TRAPPC8: variants seen among roughly 807,000 people sequenced by gnomAD.
TRAPPC8 encodes trafficking protein particle complex subunit 8.
Under a neutral mutation model 174.3 loss-of-function variants are expected in TRAPPC8, and 54 were observed. That is an observed-to-expected ratio of 0.31 (90% CI 0.25 to 0.39). TRAPPC8 has a LOEUF of 0.39. Ranked by LOEUF, TRAPPC8 falls within the 10% of genes least tolerant of loss-of-function variation. The pLI, the probability that TRAPPC8 is intolerant of heterozygous loss-of-function variation, is 1.00. For missense variants in TRAPPC8, 1,531 were observed against 1,699.1 expected, an observed-to-expected ratio of 0.90 and a Z score of 1.74; for synonymous variants, 630 against 579.9, an observed-to-expected ratio of 1.09 and a Z score of -1.24.
chr18:31,908,654 T>TA, intron 7 of TRAPPC8, 100 bp downstream of exon 7: 1 of 1,311,936 alleles, frequency 7.6e-7, no homozygotes, highest in Non-Finnish European at 1.0e-6. Context: ...TGGCCTATCT[T>TA]AAAACGAAAA....
In TRAPPC8 at chr18:31,942,828, T is replaced by C. The variant is rs2038410259; in HGVS notation, c.-64A>G. ...CCACCCTGCGAGGTTATCCTGCGGC[T>C]GCAGCAGCTACCGCCGCCGCCCGCC... On this transcript the variant is annotated 5_prime_UTR_variant, in exon 1 of 29. Transcript: ENST00000283351. 8 of 1,272,504 alleles carry C rather than the reference T, an allele frequency of 6.3e-6. No homozygotes were observed. The highest frequency in any genetic ancestry group is 6.0e-6 in the Non-Finnish European group (6 of 1,006,146). 78.8% of individuals were successfully genotyped at this position (1,272,504 alleles called of 1,614,324 possible). A position where few individuals can be genotyped will look rare whatever the true frequency, so the allele number is the denominator to read the frequency against.
intron 27 of TRAPPC8, among the ~76,000 whole-genome samples, chr18:31,838,353 TAAG>T (rs1179831895): frequency 1.3e-5 from 2 of 152,236 alleles, no homozygotes; most frequent in African/African-American, 4.8e-5. Flanking sequence ...ACATAACGTG[TAAG>T]AAGGTCCCTT....
intron 9 of TRAPPC8, among the ~76,000 whole-genome samples, chr18:31,903,125 T>C (rs3842398): frequency 0.031 from 3,505 of 112,436 alleles, 107 homozygotes; most frequent in African/African-American, 0.091. Context: ...TGCGTGCGTG[T>C]GTGTGTGTGT....
intron 21 of TRAPPC8, among the ~76,000 whole-genome samples, chr18:31,854,245 A>G (rs897148660): frequency 6.6e-6 from 1 of 152,212 alleles, no homozygotes; most frequent in Non-Finnish European, 1.5e-5. Flanking sequence ...TTTAAAAGAT[A>G]AAAAATTGTC....
Position 31,839,351 on chromosome 18 carries a change from T to C in TRAPPC8, c.3944A>G (p.His1315Arg). Residue 1315 changes from histidine (H) to arginine (R), a missense_variant, in exon 27 of 29, where the codon CAC becomes CGC. His to Arg is a conservative substitution (Grantham distance 29, BLOSUM62 0). Transcript: ENST00000283351. ...TGGATGATTAAATGATTCTGGGTAG[T>C]GAAGACTCGTTTTAATGAGACTAGA... ...QLSSLIKTSL[H>R]YPESFNHPFH... 2 of 1,611,276 alleles carry C rather than the reference T, an allele frequency of 1.2e-6. No homozygotes were observed. The highest frequency in any genetic ancestry group is 2.2e-5 in the East Asian group (1 of 44,762).
Position 31,941,603 on chromosome 18 carries a change from C to A in TRAPPC8, c.157+1005G>T, listed in dbSNP as rs538793582. On this transcript the variant is annotated intron_variant, in intron 1 of 28. Transcript: ENST00000283351. Reference sequence around the variant, plus strand: ...GTTTTTTTGGACAGCTCCCTCTCTCCGCTAAAAACAAAAGCTAATTTATAA... The same window carrying A: ...GTTTTTTTGGACAGCTCCCTCTCTCAGCTAAAAACAAAAGCTAATTTATAA... 6.6e-5 allele frequency among the ~76,000 whole-genome samples: 10 copies of A among 152,164 alleles called. 1 individual carries two copies. In the South Asian group the frequency reaches 2.1e-3, roughly 32 times the overall value.
chr18:31,896,404 A>G (rs2036185634), intron 11 of TRAPPC8: 1 of 152,162 alleles, frequency 6.6e-6, no homozygotes, highest in South Asian at 2.1e-4. Flanking sequence ...GAGCTTGAAA[A>G]CAAAAATTAC....
chr18:31,874,371 A>AT (rs1156910540), intron 13 of TRAPPC8, 109 bp downstream of exon 13: 1 of 1,180,702 alleles, frequency 8.5e-7, no homozygotes, highest in Admixed American at 2.4e-5. Flanking sequence ...TTTATGACTG[A>AT]TAACTACATA....
At chr18:31,860,311 G>C (rs1223817275) in intron 19 of TRAPPC8, among the ~76,000 whole-genome samples, 3 of 151,928 alleles carry the variant, frequency 2.0e-5, no homozygotes, top group Non-Finnish European at 4.4e-5. Context: ...AATTAAAGGA[G>C]TTTGCTCTTT....
chr18:31,894,231 C>A (rs1260818460), intron 11 of TRAPPC8, among the ~76,000 whole-genome samples: 1 of 152,138 alleles, frequency 6.6e-6, no homozygotes, highest in African/African-American at 2.4e-5. Context: ...CTTCATTGGA[C>A]CCTGACTCTT....
At position 31,895,246 on chromosome 18, in the gene TRAPPC8, C is replaced by T. The variant is rs541850772; in HGVS notation, c.1596+2540G>A. On this transcript the variant is annotated intron_variant, in intron 11 of 28. Transcript: ENST00000283351. ...TGTACATCTCTTGATATTATACAGC[C>T]TTTCTAGTTAACAAAATACATACAG... is the stretch of plus-strand genomic sequence containing the variant. 1.1e-4 allele frequency among the ~76,000 whole-genome samples: 16 copies of T among 152,220 alleles called. No homozygotes were observed. In the East Asian group the frequency reaches 2.7e-3, roughly 26 times the overall value.
At chr18:31,860,975 T>A (rs572523367) in intron 19 of TRAPPC8, among the ~76,000 whole-genome samples, 1 of 152,350 alleles carries the variant, frequency 6.6e-6, no homozygotes, top group African/African-American at 2.4e-5. Flanking sequence ...TTTAGATTAC[T>A]TGACAAACTG....
intron 2 of TRAPPC8, among the ~76,000 whole-genome samples, chr18:31,918,826 T>C (rs2037255925): frequency 6.6e-6 from 1 of 152,226 alleles, no homozygotes. Context: ...AATTATTCTT[T>C]TTATTTGAAC....
chr18:31,834,972 G>A lies in TRAPPC8; in HGVS notation c.3984-2799C>T, dbSNP rs575682730. Among the ~76,000 whole-genome samples the A allele has an allele frequency of 2.0e-5, 3 of 152,252 alleles. No individual in the cohort carries two copies. In the South Asian group the frequency reaches 6.2e-4, roughly 32 times the overall value. On this transcript the variant is annotated intron_variant, in intron 27 of 28. Coordinates refer to ENST00000283351, the MANE Select transcript of TRAPPC8 (RefSeq NM_014939.5). ...TATTGTCCTCTCAACAATAGATGCT[G>A]TATTTCTTCCAACATCTTCCATACC...
Position 31,832,099 on chromosome 18 carries a change from C to A in TRAPPC8, c.4058G>T (p.Arg1353Leu). Residue 1353 changes from arginine (R) to leucine (L), a missense_variant, in exon 28 of 29, where the codon CGG becomes CTG. Transcript: ENST00000283351. The stretch of plus-strand genomic sequence containing the variant: ...AAATCTTTACCTTGTTGTTTTATGC[C>A]GAAGATCAACTATGACATCTACATC... ...KADVDVIVDL[R>L]HKTTSPEALE... is the part of the protein sequence containing the mutation. 1 of 1,544,048 alleles carries A rather than the reference C, an allele frequency of 6.5e-7. No homozygotes were observed. Among genetic ancestry groups the A allele is most frequent in the Non-Finnish European group, 8.7e-7 (1 of 1,154,078 alleles).
chr18:31,840,412 T>TGA (rs1233436727), intron 26 of TRAPPC8, among the ~76,000 whole-genome samples: 1 of 149,786 alleles, frequency 6.7e-6, no homozygotes, highest in Admixed American at 6.7e-5. Context: ...TTGGGGAGGG[T>TGA]GAGAGAGAGA....
At chr18:31,888,919 GT>G (rs1211448230) in intron 12 of TRAPPC8, among the ~76,000 whole-genome samples, 3 of 152,026 alleles carry the variant, frequency 2.0e-5, no homozygotes, top group Admixed American at 6.6e-5. Context: ...GACCTTAAAA[GT>G]TTTTTTTAAA....
intron 26 of TRAPPC8, chr18:31,844,459 A>AATAAGCT (rs1379246373): frequency 2.0e-5 from 3 of 152,180 alleles, no homozygotes; most frequent in African/African-American, 7.2e-5. Context: ...GTGAAAATCA[A>AATAAGCT]ATAAGCTATT....
At chr18:31,939,959 G>A (rs35275842) in intron 1 of TRAPPC8, among the ~76,000 whole-genome samples, 3 of 151,992 alleles carry the variant, frequency 2.0e-5, no homozygotes, top group Admixed American at 6.6e-5. Context: ...ACAATGAGCC[G>A]CTATCACAGC....
Sources: gnomAD v4.1 joint callset for allele counts (sites outside exome capture counted in the v4.1 genomes callset) on GRCh38, gnomAD v4.1.1 for gene constraint, MANE v1.5 for transcripts, NCBI Gene and HGNC (gene_info 2026-07-23, HGNC 2026-07-21) for gene names.